The following ITGA1 variants were observed in gnomAD, a reference collection of about 807,000 sequenced individuals.
ITGA1 encodes the protein integrin subunit alpha 1.
A neutral mutation model predicts 145.9 loss-of-function variants in ITGA1; 85 were observed. That is an observed-to-expected ratio of 0.58 (90% confidence interval 0.49 to 0.70). The LOEUF (loss-of-function observed/expected upper bound fraction) is 0.70. ITGA1 is among the 30% of genes least tolerant of loss of function. ITGA1 has a pLI of 0.00. For missense variants in ITGA1, 1,351 were observed against 1,418.7 expected (o/e 0.95, Z 0.77); for synonymous variants, 520 against 495.3 (o/e 1.05, Z -0.66).
chr5:52,865,660 A>G, intron 5 of ITGA1, 30 bp from the exon 6 acceptor site: 2 of 1,439,918 alleles, frequency 1.4e-6, no homozygotes, highest in Non-Finnish European at 1.8e-6. Flanking sequence ...AATAGATTCC[A>G]AATTTGACAA....
At chr5:52,919,645 G>C (rs1750702596) in intron 16 of ITGA1, among the ~76,000 whole-genome samples, 1 of 152,090 alleles carries the variant, frequency 6.6e-6, no homozygotes, top group East Asian at 1.9e-4. Context: ...CTCTGAAATA[G>C]CCTCCTGACT....
chr5:52,849,658 A>T (rs78526623), intron 2 of ITGA1, among the ~76,000 whole-genome samples, 173 bp downstream of exon 2: 1 of 151,870 alleles, frequency 6.6e-6, no homozygotes, highest in South Asian at 2.1e-4. Context: ...AAAAAAAAAA[A>T]TTCCTTGGCA....
intron 14 of ITGA1, among the ~76,000 whole-genome samples, chr5:52,911,877 T>C (rs1043591115): frequency 1.5e-5 from 2 of 133,244 alleles, no homozygotes; most frequent in African/African-American, 5.5e-5. Context: ...AGTATATAGA[T>C]ACACTATATA....
At chr5:52,926,685 T>A (rs1240056640) in intron 19 of ITGA1, among the ~76,000 whole-genome samples, 1 of 152,002 alleles carries the variant, frequency 6.6e-6, no homozygotes, top group Non-Finnish European at 1.5e-5. Flanking sequence ...ACAGAATTTT[T>A]CTCTAGTAAA....
chr5:52,943,540 G>A (rs1751084224), intron 26 of ITGA1, among the ~76,000 whole-genome samples: 1 of 152,232 alleles, frequency 6.6e-6, no homozygotes, highest in South Asian at 2.1e-4. Flanking sequence ...GCTCATGTTT[G>A]CAGGGGTGCT....
intron 7 of ITGA1, among the ~76,000 whole-genome samples, chr5:52,886,232 A>G (rs1334257150): frequency 6.6e-6 from 1 of 152,226 alleles, no homozygotes; most frequent in Non-Finnish European, 1.5e-5. Context: ...AAAGTAAAAA[A>G]TTAGTACAAC....
chr5:52,881,812 T>C (rs1749964344), intron 6 of ITGA1, 61 bp from the exon 7 acceptor site: 1 of 1,493,476 alleles, frequency 6.7e-7, no homozygotes, highest in Non-Finnish European at 9.1e-7. Context: ...ATGGTTAACC[T>C]GAAGAAATCT....
At chr5:52,868,955 G>A (rs2111783082) in intron 6 of ITGA1, among the ~76,000 whole-genome samples, 2 of 152,254 alleles carry the variant, frequency 1.3e-5, no homozygotes, top group Admixed American at 1.3e-4. Flanking sequence ...GCTATAGCTT[G>A]GGTAATAGTG....
intron 1 of ITGA1, among the ~76,000 whole-genome samples, chr5:52,798,247 C>G (rs773986704): frequency 1.3e-5 from 2 of 152,028 alleles, no homozygotes; most frequent in Non-Finnish European, 2.9e-5. Context: ...CTTGAGGGTA[C>G]TCAGTATGAT....
At chr5:52,910,674 T>C (rs112784103) in intron 14 of ITGA1, among the ~76,000 whole-genome samples, 17 of 147,388 alleles carry the variant, frequency 1.2e-4, no homozygotes, top group Non-Finnish European at 1.8e-4. Context: ...TATATATATA[T>C]ACACACTATA....
Position 52,865,099 on chromosome 5 carries a change from AT to A in ITGA1, c.496+18del. On this transcript the variant is annotated intron_variant, in intron 5 of 28. Transcript: ENST00000282588. Reference sequence around the variant, plus strand: ...CTGTACAAGGTACAGATTTTATGCAATGTTCTTGCATGTTTGAAAAGCCTAT... The same window carrying A: ...CTGTACAAGGTACAGATTTTATGCAAGTTCTTGCATGTTTGAAAAGCCTAT... 1.3e-6 allele frequency: 2 copies of A among 1,538,678 alleles called. No individual in the cohort carries two copies. The highest frequency in any genetic ancestry group is 1.8e-6 in the Non-Finnish European group (2 of 1,117,446).
rs373055792 is a variant in ITGA1, at chr5:52,831,211, C to A, written c.62-18154C>A. On this transcript the variant is annotated intron_variant, in intron 1 of 28. Transcript: ENST00000282588. ...GCAATAACGAAATCTTGGCTCACTGCAACCTCTGCCTCCTGGGTTCAAGCG... is the reference window on the plus strand; with the variant it reads ...GCAATAACGAAATCTTGGCTCACTGAAACCTCTGCCTCCTGGGTTCAAGCG... Among the ~76,000 whole-genome samples the A allele has an allele frequency of 5.3e-5, 8 of 152,212 alleles. No homozygotes were observed. The East Asian group carries it at 7.7e-4, about 15-fold the overall frequency.
chr5:52,792,487 A>G (rs1580019749), intron 1 of ITGA1, among the ~76,000 whole-genome samples: 2 of 152,256 alleles, frequency 1.3e-5, no homozygotes, highest in South Asian at 4.1e-4. Flanking sequence ...TAGTTTAACT[A>G]TTTCTCTTCC....
chr5:52,939,127 T>G (rs1460976498), intron 24 of ITGA1, among the ~76,000 whole-genome samples: 1 of 152,162 alleles, frequency 6.6e-6, no homozygotes, highest in Non-Finnish European at 1.5e-5. Context: ...GGTCTCGAAC[T>G]CCTGACCTCA....
chr5:52,935,467 T>C (rs186860498), intron 23 of ITGA1, among the ~76,000 whole-genome samples: 2 of 152,292 alleles, frequency 1.3e-5, no homozygotes, highest in Admixed American at 1.3e-4. Flanking sequence ...CGTAATATTT[T>C]AGAAGGCACA....
At chr5:52,801,191 A>C in intron 1 of ITGA1, 1 of 1,415,370 alleles carries the variant, frequency 7.1e-7, no homozygotes, top group Non-Finnish European at 9.6e-7. Flanking sequence ...CTAAAGTTTT[A>C]GAACTGGGAA....
At chr5:52,836,630 G>T (rs938257061) in intron 1 of ITGA1, among the ~76,000 whole-genome samples, 1 of 151,962 alleles carries the variant, frequency 6.6e-6, no homozygotes, top group Non-Finnish European at 1.5e-5. Flanking sequence ...CTCTGCCTTT[G>T]TCTACTTGTG....
chr5:52,791,750 T>TCA (rs3078994), intron 1 of ITGA1, among the ~76,000 whole-genome samples: 117,771 of 151,850 alleles, frequency 0.78, 45,819 homozygotes, highest in Non-Finnish European at 0.79. Flanking sequence ...TCCCTCAGCT[T>TCA]GTTGATTAGC....
intron 12 of ITGA1, 142 bp downstream of exon 12, chr5:52,906,050 G>A (rs1011400253): frequency 7.5e-6 from 5 of 663,168 alleles, no homozygotes; most frequent in Admixed American, 5.7e-5. Context: ...AGGTTCTTTG[G>A]AAGGATGTAT....
Sources: gnomAD v4.1 joint callset for allele counts (sites outside exome capture counted in the v4.1 genomes callset) on GRCh38, gnomAD v4.1.1 for gene constraint, MANE v1.5 for transcripts, NCBI Gene and HGNC (gene_info 2026-07-23, HGNC 2026-07-21) for gene names.